IVNS1ABP: variants seen among roughly 807,000 people sequenced by gnomAD.
The protein encoded by IVNS1ABP is influenza virus NS1A binding protein, also known as influenza virus NS1A-binding protein.
IVNS1ABP carries 25 observed loss-of-function variants against 78.9 expected under a neutral mutation model. The observed-to-expected ratio is 0.32, with a 90% CI of 0.23 to 0.44. The LOEUF (loss-of-function observed/expected upper bound fraction) is 0.44, where lower values mean the gene tolerates loss of function less well. Ranked by LOEUF, IVNS1ABP falls within the 20% of genes least tolerant of loss-of-function variation. The pLI is 1.00. For missense variants in IVNS1ABP, 494 were observed against 768.9 expected (o/e 0.64, Z 4.23); for synonymous variants, 241 against 259.7 (o/e 0.93, Z 0.69).
At chr1:185,303,079 G>A (rs1665643101) in intron 8 of IVNS1ABP, among the ~76,000 whole-genome samples, 1 of 151,846 alleles carries the variant, frequency 6.6e-6, no homozygotes, top group Admixed American at 6.6e-5. Flanking sequence ...GAATTACAAG[G>A]TACATAAAAC....
chr1:185,315,370 T>C (rs767599334), intron 1 of IVNS1ABP, among the ~76,000 whole-genome samples: 12 of 152,158 alleles, frequency 7.9e-5, no homozygotes, highest in Non-Finnish European at 1.0e-4. Context: ...AAACCTGAAA[T>C]GTTTTGTCTT....
At chr1:185,307,894 G>A (rs1209385744) in intron 5 of IVNS1ABP, 1 of 1,501,726 alleles carries the variant, frequency 6.7e-7, no homozygotes, top group Non-Finnish European at 8.9e-7. Context: ...GAAATGCTAT[G>A]TAAGTTCACA....
rs1665757752 is a variant in IVNS1ABP at position 185,307,067 on chromosome 1, C to A, written c.604G>T (p.Val202Leu). Reference sequence around the variant, plus strand: ...CCATTCTCCCAGATGCTACGCTGCACCCAGTTGATTACCTTTGTATATAAT... The same window carrying A: ...CCATTCTCCCAGATGCTACGCTGCAACCAGTTGATTACCTTTGTATATAAT... The part of the protein sequence containing the change: ...GKLYTKVINW[V>L]QRSIWENGDS... Residue 202 changes from valine (V) to leucine (L), a missense_variant, in exon 7 of 15, where the codon GTG (valine) becomes TTG (leucine). Coordinates refer to ENST00000367498, the MANE Select transcript of IVNS1ABP (RefSeq NM_006469.5). 1 of 1,613,366 alleles carries A rather than the reference C, an allele frequency of 6.2e-7. No individual in the cohort carries two copies. Among genetic ancestry groups the A allele is most frequent in the South Asian group, 1.1e-5 (1 of 91,072 alleles).
At chr1:185,308,730 G>A in intron 5 of IVNS1ABP, 70 bp downstream of exon 5, 1 of 1,137,652 alleles carries the variant, frequency 8.8e-7, no homozygotes, top group Non-Finnish European at 1.3e-6. Flanking sequence ...GATGTTTTAT[G>A]ACAAATTCAG....
intron 7 of IVNS1ABP, chr1:185,306,723 T>C (rs1665748510): frequency 4.0e-6 from 4 of 1,010,874 alleles, no homozygotes; most frequent in Non-Finnish European, 5.1e-6. Context: ...ATTAAGAATC[T>C]ACAGAAAATT....
At position 185,297,994 on chromosome 1, in the gene IVNS1ABP, T is replaced by C. The variant is rs1665464224; in HGVS notation, c.*41A>G. 6.3e-7 allele frequency: 1 copy of C among 1,593,084 alleles called. No individual in the cohort carries two copies. Among genetic ancestry groups the C allele is most frequent in the Non-Finnish European group, 8.6e-7 (1 of 1,166,818 alleles). On this transcript the variant is annotated 3_prime_UTR_variant, in exon 15 of 15. Transcript: ENST00000367498. ...CAAGTGTACCTCTACTAACCATAAT[T>C]ACATCACTAAGCCTGTTAGTTTGAG...
intron 1 of IVNS1ABP, among the ~76,000 whole-genome samples, chr1:185,315,168 A>C (rs1665982868): frequency 6.6e-6 from 1 of 152,242 alleles, no homozygotes; most frequent in Admixed American, 6.5e-5. Flanking sequence ...TAAAAAGTGG[A>C]TGAAATGACT....
chr1:185,304,196 G>A (rs1452018914), intron 8 of IVNS1ABP, among the ~76,000 whole-genome samples: 3 of 152,102 alleles, frequency 2.0e-5, no homozygotes, highest in Admixed American at 2.0e-4. Context: ...TTATAAGCCT[G>A]TATTGTTTTG....
chr1:185,308,059 A>C (rs1340462136), intron 5 of IVNS1ABP: 3 of 1,545,546 alleles, frequency 1.9e-6, no homozygotes, highest in Non-Finnish European at 1.7e-6. Context: ...ATAACTAGGA[A>C]ATAGTTTTGG....
At chr1:185,300,677 A>G (rs1475676873) in intron 10 of IVNS1ABP, 119 bp from the exon 11 acceptor site, 5 of 1,068,032 alleles carry the variant, frequency 4.7e-6, no homozygotes, top group Non-Finnish European at 6.8e-6. Context: ...CTTTTTAAGG[A>G]TGCCTTAGTT....
rs190242777 is a variant in IVNS1ABP, at chr1:185,309,589, G to C, written c.-18-78C>G. ...AAATATAATGCTAAAGAGTAATACA[G>C]TCTCTTTATTCTCAAATTCCATCCT... On this transcript the variant is annotated intron_variant, in intron 2 of 14. Transcript: ENST00000367498. The C allele has an allele frequency of 5.6e-5, 41 of 730,102 alleles. No homozygotes were observed. In the East Asian group the frequency reaches 1.1e-3, roughly 19 times the overall value. The allele number at this position is 730,102 out of a possible 1,614,324, so 45.2% of individuals were successfully genotyped here.
chr1:185,307,600 A>G lies in IVNS1ABP; in HGVS notation c.420T>C (p.Phe140=), dbSNP rs773799527. 1.1e-5 allele frequency: 18 copies of G among 1,613,628 alleles called. No homozygotes were observed. In the East Asian group the frequency reaches 3.8e-4, roughly 34 times the overall value. The change falls in exon 6 of 15, where the codon TTT becomes TTC. Residue 140 remains phenylalanine (F), a synonymous_variant. Coordinates refer to ENST00000367498, the MANE Select transcript of IVNS1ABP (RefSeq NM_006469.5). ...DVTSCISYRN[F]ASCMGDSRLL... ...AACGGGAGTCTCCCATACAACTTGC[A>G]AAATTTCGGTAAGAGATGCAGCTGG...
rs759522662 is a variant in IVNS1ABP, at chr1:185,305,678, G to A, written c.658-35C>T. 183 of 1,610,028 alleles carry A rather than the reference G, an allele frequency of 1.1e-4. 1 individual carries two copies. The highest frequency in any genetic ancestry group is 1.6e-4 in the Middle Eastern group (1 of 6,064). On this transcript the variant is annotated intron_variant, in intron 7 of 14. Transcript: ENST00000367498. The surrounding 1 kb of genome is among the most constrained non-coding windows in gnomAD (Gnocchi z 4.0). ...AGCAACAGAACACCCATGTGGCTACGGTCACCATGGCTACTCCACTAGTAT... is the reference window on the plus strand; with the variant it reads ...AGCAACAGAACACCCATGTGGCTACAGTCACCATGGCTACTCCACTAGTAT...
At position 185,301,494 on chromosome 1, in the gene IVNS1ABP, T is replaced by G; in HGVS notation, c.835A>C (p.Asn279His). The G allele has an allele frequency of 6.2e-7, 1 of 1,613,254 alleles. No individual in the cohort carries two copies. The highest frequency in any genetic ancestry group is 8.5e-7 in the Non-Finnish European group (1 of 1,179,410). The change falls in exon 9 of 15, where the codon AAT becomes CAT. Residue 279 changes from asparagine (N) to histidine (H), a missense_variant. Asn to His is a moderately conservative substitution (Grantham distance 68). Transcript: ENST00000367498. The stretch of plus-strand genomic sequence containing the variant: ...TGCTTAGGGCTTTGTACTGTAGCAT[T>G]TGGAGAAGAGAGACATCCAGTTGAA... ...SSSTGCLSSP[N>H]ATVQSPKHEW...
intron 7 of IVNS1ABP, 143 bp downstream of exon 7, chr1:185,306,871 C>G (rs966797947): frequency 1.2e-5 from 11 of 880,024 alleles, no homozygotes; most frequent in African/African-American, 1.2e-4. Flanking sequence ...GGACACCCCC[C>G]CTGTTTCTCA....
chr1:185,298,984 A>C lies in IVNS1ABP; in HGVS notation c.1676-696T>G, dbSNP rs751649067. The C allele has an allele frequency of 6.6e-6, 1 of 152,262 alleles. No homozygotes were observed. The highest frequency in any genetic ancestry group is 1.5e-5 in the Non-Finnish European group (1 of 68,072). 9.4% of individuals were successfully genotyped at this position (152,262 alleles called of 1,614,324 possible). ...TCAAATAGATAAAATGTTAGCAATA[A>C]ATACTCCGTAGCTTAGAAAAAATTT... On this transcript the variant is annotated intron_variant, in intron 14 of 14. Transcript: ENST00000367498. This position sits in a 1 kb window ranked among gnomAD's most constrained non-coding sequence, Gnocchi z 4.1.
rs1665828884 is a variant in IVNS1ABP, at chr1:185,309,475, A to G, written c.19T>C (p.Leu7=). ...ATAAAATTTTCATCCTCAAACATCA[A>G]ATATCCATTGGGAATCATTTTTCCT... MIPNGY[L]MFEDENFIES... The change falls in exon 3 of 15, where the codon TTG becomes CTG. Residue 7 remains leucine, a synonymous_variant. Coordinates refer to ENST00000367498, the MANE Select transcript of IVNS1ABP (RefSeq NM_006469.5). 5.6e-6 allele frequency: 9 copies of G among 1,602,032 alleles called. No individual in the cohort carries two copies. Among genetic ancestry groups the G allele is most frequent in the African/African-American group, 1.3e-5 (1 of 74,636 alleles).
intron 6 of IVNS1ABP, 36 bp downstream of exon 6, chr1:185,307,453 G>A: frequency 6.7e-7 from 1 of 1,497,468 alleles, no homozygotes; most frequent in East Asian, 2.3e-5. Context: ...CCTGGAACTA[G>A]ATAGTATATA....
chr1:185,298,495 G>C lies in IVNS1ABP; in HGVS notation c.1676-207C>G. 1.8e-6 allele frequency: 1 copy of C among 557,868 alleles called. No homozygotes were observed. The highest frequency in any genetic ancestry group is 3.1e-6 in the Non-Finnish European group (1 of 322,688). 34.6% of individuals were successfully genotyped at this position (557,868 alleles called of 1,614,324 possible). A position where few individuals can be genotyped will look rare whatever the true frequency, so the allele number is the denominator to read the frequency against. Reference sequence around the variant, plus strand: ...TCAATAAAAAAACCATTCCCACGTGGAACTTAGGCAACTTAAAAGGGGGAG... The same window carrying C: ...TCAATAAAAAAACCATTCCCACGTGCAACTTAGGCAACTTAAAAGGGGGAG... On this transcript the variant is annotated intron_variant, in intron 14 of 14. Coordinates refer to ENST00000367498, the MANE Select transcript of IVNS1ABP (RefSeq NM_006469.5). The surrounding 1 kb of genome is among the most constrained non-coding windows in gnomAD (Gnocchi z 4.1).
Sources: gnomAD v4.1 joint callset for allele counts (sites outside exome capture counted in the v4.1 genomes callset) on GRCh38, gnomAD v4.1.1 for gene constraint, Gnocchi (gnomAD v3.1) non-coding constraint, MANE v1.5 for transcripts, NCBI Gene and HGNC (gene_info 2026-07-23, HGNC 2026-07-21) for gene names.